CA10: variants seen among roughly 807,000 people sequenced by gnomAD.
The protein encoded by CA10 is carbonic anhydrase-related protein 10.
A neutral mutation model predicts 44.2 loss-of-function variants in CA10; 14 were observed. That is an observed-to-expected ratio of 0.32 (90% CI 0.21 to 0.50). CA10 has a LOEUF of 0.50. Ranked by LOEUF, CA10 falls within the 20% of genes least tolerant of loss-of-function variation. The pLI, the probability that CA10 is intolerant of heterozygous loss-of-function variation, is 0.99. For synonymous variants in CA10, 159 were observed against 141.6 expected (o/e 1.12, Z -0.87); for missense variants, 350 against 409.7 (o/e 0.85, Z 1.26).
intron 4 of CA10, among the ~76,000 whole-genome samples, chr17:51,672,800 C>A (rs1914474740): frequency 6.6e-6 from 1 of 152,194 alleles, no homozygotes; most frequent in African/African-American, 2.4e-5. Flanking sequence ...CTGAATTGAA[C>A]ATAAATGAAT....
chr17:52,103,257 T>C (rs894059333), intron 1 of CA10, among the ~76,000 whole-genome samples: 2 of 152,202 alleles, frequency 1.3e-5, no homozygotes, highest in Non-Finnish European at 2.9e-5. Flanking sequence ...TTTCTTTCTT[T>C]GGGAACCACC....
At chr17:52,146,037 A>T (rs1313886377) in intron 1 of CA10, among the ~76,000 whole-genome samples, 1 of 152,228 alleles carries the variant, frequency 6.6e-6, no homozygotes, top group Non-Finnish European at 1.5e-5. Context: ...ACTACTATGG[A>T]AATATAAGAA....
At chr17:51,681,462 T>C (rs1279629943) in intron 4 of CA10, among the ~76,000 whole-genome samples, 1 of 152,160 alleles carries the variant, frequency 6.6e-6, no homozygotes, top group Admixed American at 6.5e-5. Flanking sequence ...CTTGGCACTG[T>C]TCATATATTG....
At chr17:51,684,403 AC>A (rs1385703226) in intron 4 of CA10, among the ~76,000 whole-genome samples, 1 of 152,060 alleles carries the variant, frequency 6.6e-6, no homozygotes, top group African/African-American at 2.4e-5. Context: ...AAACCAGTGC[AC>A]CCCCACCGTT....
At chr17:51,985,856 T>C (rs765625887) in intron 2 of CA10, among the ~76,000 whole-genome samples, 14 of 151,996 alleles carry the variant, frequency 9.2e-5, no homozygotes, top group East Asian at 5.8e-4. Context: ...AAATCACAGA[T>C]GACCTAAACA....
At position 52,157,795 on chromosome 17, in the gene CA10, T is replaced by C; in HGVS notation, c.-9A>G. 6.2e-7 allele frequency: 1 copy of C among 1,612,948 alleles called. No individual in the cohort carries two copies. Reference sequence around the variant, plus strand: ...TCCCAGACTATTTCCATCCTCTGATTCTCATTCCAAGTGCATCACTCGACG... The same window carrying C: ...TCCCAGACTATTTCCATCCTCTGATCCTCATTCCAAGTGCATCACTCGACG... On this transcript the variant is annotated 5_prime_UTR_variant, in exon 1 of 9. Transcript: ENST00000451037.
At chr17:52,153,804 T>G (rs918598360) in intron 1 of CA10, among the ~76,000 whole-genome samples, 1 of 152,226 alleles carries the variant, frequency 6.6e-6, no homozygotes, top group East Asian at 1.9e-4. Flanking sequence ...CATTATTGCA[T>G]GCTTACTATG....
intron 1 of CA10, among the ~76,000 whole-genome samples, chr17:52,081,432 G>A (rs933263417): frequency 1.4e-4 from 22 of 152,152 alleles, no homozygotes; most frequent in Admixed American, 1.4e-3. Flanking sequence ...GCCGGACAAT[G>A]TAAGTAGCGG....
At chr17:51,709,209 G>A (rs1450298944) in intron 4 of CA10, among the ~76,000 whole-genome samples, 1 of 152,226 alleles carries the variant, frequency 6.6e-6, no homozygotes, top group Non-Finnish European at 1.5e-5. Flanking sequence ...TCGGGCAGAT[G>A]TCCTGATACA....
rs184027428 is a variant in CA10, at chr17:52,139,910, T to C, written c.61+17816A>G. ...TTAAGTGGCTGTTTGGAGTGGGTGT[T>C]TGGAGTGAATTAAGGAATTATCAAA... is the stretch of plus-strand genomic sequence containing the variant. On this transcript the variant is annotated intron_variant, in intron 1 of 8. Transcript: ENST00000451037. Among the ~76,000 whole-genome samples, 487 of 152,306 alleles carry C rather than the reference T, an allele frequency of 3.2e-3. 3 individuals carry two copies. Among genetic ancestry groups the C allele is most frequent in the African/African-American group, 0.011 (454 of 41,574 alleles).
At chr17:51,677,989 C>T (rs1597980154) in intron 4 of CA10, among the ~76,000 whole-genome samples, 1 of 151,760 alleles carries the variant, frequency 6.6e-6, no homozygotes, top group African/African-American at 2.4e-5. Flanking sequence ...GTAGAAACAA[C>T]CCAAATGTCC....
intron 3 of CA10, among the ~76,000 whole-genome samples, chr17:51,766,593 AT>A (rs955408626): frequency 6.6e-6 from 1 of 152,076 alleles, no homozygotes; most frequent in Non-Finnish European, 1.5e-5. Flanking sequence ...CAATCTATCT[AT>A]TTGCAGGGAA....
chr17:52,035,448 A>G (rs1986589719), intron 2 of CA10, among the ~76,000 whole-genome samples: 1 of 152,076 alleles, frequency 6.6e-6, no homozygotes. Flanking sequence ...GTGTGACCTC[A>G]CTTTTCCTGG....
At chr17:51,917,707 A>T (rs1026909019) in intron 3 of CA10, among the ~76,000 whole-genome samples, 1 of 152,216 alleles carries the variant, frequency 6.6e-6, no homozygotes, top group Non-Finnish European at 1.5e-5. Flanking sequence ...CTCACTCACG[A>T]GTACAGCACC....
intron 2 of CA10, among the ~76,000 whole-genome samples, chr17:52,008,402 A>C (rs189698400): frequency 4.6e-5 from 7 of 151,946 alleles, no homozygotes; most frequent in Admixed American, 4.6e-4. Flanking sequence ...ATTAGACAAC[A>C]ATCACTAGGG....
intron 6 of CA10, among the ~76,000 whole-genome samples, chr17:51,640,973 A>G (rs1319476671): frequency 6.6e-6 from 1 of 152,140 alleles, no homozygotes; most frequent in Admixed American, 6.6e-5. Context: ...GTTTGTGAAC[A>G]AAGATGCAAA....
chr17:51,699,088 A>G (rs1049015848), intron 4 of CA10, among the ~76,000 whole-genome samples: 1 of 152,192 alleles, frequency 6.6e-6, no homozygotes, highest in African/African-American at 2.4e-5. Flanking sequence ...TGGGAGGCCA[A>G]GGTGGGTGGA....
intron 3 of CA10, among the ~76,000 whole-genome samples, chr17:51,874,832 A>G (rs1245170736): frequency 1.3e-5 from 2 of 152,152 alleles, no homozygotes; most frequent in Non-Finnish European, 2.9e-5. Context: ...TGTTTTACCC[A>G]AGGCTATTGC....
At chr17:51,884,183 A>G (rs1980496161) in intron 3 of CA10, among the ~76,000 whole-genome samples, 2 of 152,056 alleles carry the variant, frequency 1.3e-5, no homozygotes, top group Admixed American at 1.3e-4. Flanking sequence ...CTTTCCCTGG[A>G]TTGTTGTAAT....
Sources: gnomAD v4.1 joint callset for allele counts (sites outside exome capture counted in the v4.1 genomes callset) on GRCh38, gnomAD v4.1.1 for gene constraint, MANE v1.5 for transcripts, NCBI Gene and HGNC (gene_info 2026-07-23, HGNC 2026-07-21) for gene names.